The following NAALAD2 variants were observed in gnomAD, a reference collection of about 807,000 sequenced individuals.
NAALAD2 encodes the protein N-acetylated alpha-linked acidic dipeptidase 2, also known as N-acetylated-alpha-linked acidic dipeptidase 2.
NAALAD2 carries 89 observed loss-of-function variants against 95.6 expected under a neutral mutation model. The observed-to-expected ratio is 0.93, with a 90% CI of 0.78 to 1.11. The LOEUF (loss-of-function observed/expected upper bound fraction) is 1.11, where lower values mean the gene tolerates loss of function less well. Among genes scored for constraint, NAALAD2 ranks in the 50% least tolerant of loss-of-function variants. The pLI, the probability that NAALAD2 is intolerant of heterozygous loss-of-function variation, is 0.00. For missense variants in NAALAD2, 894 were observed against 872.4 expected (o/e 1.02, Z -0.31); for synonymous variants, 264 against 294.4 (o/e 0.90, Z 1.06).
At chr11:90,168,120 A>AC (rs112272627) in intron 11 of NAALAD2, among the ~76,000 whole-genome samples, 30,531 of 151,988 alleles carry the variant, frequency 0.2, 3,502 homozygotes, top group African/African-American at 0.3. Flanking sequence ...GAGACTACGA[A>AC]CCCACCAGGA....
At chr11:90,174,522 G>A (rs1374411484) in intron 14 of NAALAD2, among the ~76,000 whole-genome samples, 1 of 151,928 alleles carries the variant, frequency 6.6e-6, no homozygotes, top group African/African-American at 2.4e-5. Flanking sequence ...TGTATTAGGT[G>A]TATTAATATA....
intron 6 of NAALAD2, 89 bp downstream of exon 6, chr11:90,152,573 A>G (rs1951919158): frequency 2.0e-6 from 2 of 981,134 alleles, no homozygotes; most frequent in South Asian, 4.5e-5. Context: ...TCAGAATAAT[A>G]TTAAACTAAA....
At chr11:90,154,917 TATATTATATACGTATAC>T (rs1565521535) in intron 6 of NAALAD2, among the ~76,000 whole-genome samples, 9,266 of 80,162 alleles carry the variant, frequency 0.12, 1,591 homozygotes, top group African/African-American at 0.27. Context: ...TACATATGTA[TATATTATATACGTATAC>T]ATATGTATAT....
chr11:90,147,630 A>T, intron 3 of NAALAD2, 114 bp downstream of exon 3: 1 of 953,852 alleles, frequency 1.0e-6, no homozygotes, highest in African/African-American at 1.6e-5. Context: ...TTCAGTATCC[A>T]CTATGTGTTC....
At chr11:90,185,491 C>T (rs182528966) in intron 18 of NAALAD2, among the ~76,000 whole-genome samples, 3 of 151,878 alleles carry the variant, frequency 2.0e-5, no homozygotes, top group Non-Finnish European at 4.4e-5. Context: ...GGTAACACAG[C>T]GAGACCCTGT....
rs1337969797 is a variant in NAALAD2, at chr11:90,150,491, G to A, written c.493G>A (p.Val165Ile). The A allele has an allele frequency of 6.3e-7, 1 of 1,599,738 alleles. No homozygotes were observed. The part of the protein sequence containing the change: ...SAQGMPEGDL[V>I]YVNYARTEDF... ...TTTCTTTTCCCTATAGGGAGATCTT[G>A]TATATGTGAACTATGCTCGCACTGA... Residue 165 changes from valine to isoleucine, a missense_variant, in exon 5 of 19, where the codon GTA becomes ATA. Transcript: ENST00000534061.
At chr11:90,142,674 C>A (rs1256381092) in intron 2 of NAALAD2, among the ~76,000 whole-genome samples, 1 of 152,052 alleles carries the variant, frequency 6.6e-6, no homozygotes, top group Non-Finnish European at 1.5e-5. Context: ...ACTCTGGTAA[C>A]CTCTGCCTTG....
intron 16 of NAALAD2, 112 bp downstream of exon 16, chr11:90,178,229 C>G: frequency 8.3e-7 from 1 of 1,199,256 alleles, no homozygotes; most frequent in Non-Finnish European, 1.2e-6. Context: ...ATTTGCCTTA[C>G]TTATTTTGAC....
At chr11:90,139,901 T>G (rs1185460658) in intron 2 of NAALAD2, among the ~76,000 whole-genome samples, 1 of 151,514 alleles carries the variant, frequency 6.6e-6, no homozygotes, top group Non-Finnish European at 1.5e-5. Context: ...GGATTTATTT[T>G]GAAAATGGAG....
chr11:90,171,720 T>G (rs1284174666), intron 13 of NAALAD2, among the ~76,000 whole-genome samples: 2 of 152,202 alleles, frequency 1.3e-5, no homozygotes, highest in Non-Finnish European at 2.9e-5. Flanking sequence ...TAGTGTGTGT[T>G]AGCACAAATA....
At chr11:90,153,383 T>C (rs1040873348) in intron 6 of NAALAD2, among the ~76,000 whole-genome samples, 2 of 152,198 alleles carry the variant, frequency 1.3e-5, no homozygotes, top group African/African-American at 4.8e-5. Flanking sequence ...TTTCTGAAGT[T>C]GTTTCACTTT....
intron 16 of NAALAD2, 122 bp from the exon 17 acceptor site, chr11:90,181,498 G>A: frequency 3.0e-6 from 2 of 663,508 alleles, no homozygotes; most frequent in South Asian, 3.5e-5. Flanking sequence ...TCTGCAAGAA[G>A]ACTCAGTAGA....
At chr11:90,137,569 T>C (rs986594925) in intron 2 of NAALAD2, among the ~76,000 whole-genome samples, 1 of 152,090 alleles carries the variant, frequency 6.6e-6, no homozygotes, top group Non-Finnish European at 1.5e-5. Context: ...TATTTAGATA[T>C]AAGTTGTTTT....
intron 6 of NAALAD2, among the ~76,000 whole-genome samples, chr11:90,153,221 G>T (rs1030430807): frequency 6.6e-6 from 1 of 152,060 alleles, no homozygotes; most frequent in Non-Finnish European, 1.5e-5. Context: ...TCAGTGTGGG[G>T]GCTATTACAG....
At chr11:90,162,816 G>C in intron 8 of NAALAD2, 133 bp from the exon 9 acceptor site, 1 of 527,498 alleles carries the variant, frequency 1.9e-6, no homozygotes. Flanking sequence ...AGGTGGTAGA[G>C]ATATGAGAAT....
At chr11:90,179,944 A>G (rs947148123) in intron 16 of NAALAD2, among the ~76,000 whole-genome samples, 1 of 152,100 alleles carries the variant, frequency 6.6e-6, no homozygotes, top group Non-Finnish European at 1.5e-5. Context: ...TAGCTTTTCT[A>G]TTTCAAAAAC....
intron 2 of NAALAD2, among the ~76,000 whole-genome samples, chr11:90,144,987 G>A (rs2134846913): frequency 6.6e-6 from 1 of 152,100 alleles, no homozygotes; most frequent in Admixed American, 6.5e-5. Context: ...CTCTCAGGAG[G>A]GTATGTGTTC....
intron 11 of NAALAD2, among the ~76,000 whole-genome samples, chr11:90,165,645 T>G (rs1203175269): frequency 2.6e-5 from 4 of 152,246 alleles, no homozygotes; most frequent in Non-Finnish European, 5.9e-5. Flanking sequence ...CACTGCGAAT[T>G]GTTATTTTCA....
intron 7 of NAALAD2, chr11:90,158,944 C>A: frequency 3.2e-6 from 1 of 316,692 alleles, no homozygotes; most frequent in South Asian, 3.3e-5. Flanking sequence ...AGTGAGTCCC[C>A]ACATAAATAA....
Sources: allele counts gnomAD v4.1 joint callset (sites outside exome capture counted in the v4.1 genomes callset), GRCh38; gene constraint gnomAD v4.1.1; transcripts MANE v1.5; gene names NCBI Gene and HGNC (gene_info 2026-07-23, HGNC 2026-07-21).